The following VOPP1 variants were observed in gnomAD, a reference collection of about 807,000 sequenced individuals.
The protein encoded by VOPP1 is WW domain binding protein VOPP1.
Under a neutral mutation model 23.5 loss-of-function variants are expected in VOPP1, and 8 were observed. That is an observed-to-expected ratio of 0.34 (90% CI 0.20 to 0.61). The LOEUF (loss-of-function observed/expected upper bound fraction) is 0.61, where lower values mean the gene tolerates loss of function less well. Among genes scored for constraint, VOPP1 ranks in the 20% least tolerant of loss-of-function variants. The probability of loss-of-function intolerance (pLI) is 0.78; values close to 1 mark genes in which losing one functional copy is unlikely to be tolerated. For synonymous variants in VOPP1, 83 were observed against 97.3 expected, an observed-to-expected ratio of 0.85 and a Z score of 0.86; for missense variants, 174 against 238.1, an observed-to-expected ratio of 0.73 and a Z score of 1.77.
At chr7:55,517,539 G>A (rs149631128) in intron 2 of VOPP1, among the ~76,000 whole-genome samples, 1,714 of 152,246 alleles carry the variant, frequency 0.011, 11 homozygotes, top group Middle Eastern at 0.02. Flanking sequence ...CATCCCCACC[G>A]CCTGAGGCCC....
intron 2 of VOPP1, among the ~76,000 whole-genome samples, chr7:55,516,933 T>TATATATATATATATATATA (rs1491552728): frequency 5.6e-5 from 2 of 36,036 alleles, no homozygotes; most frequent in East Asian, 8.1e-4. Context: ...TATATATATA[T>TATATATATATATATATATA]TTTTTTTTTT....
intron 4 of VOPP1, among the ~76,000 whole-genome samples, chr7:55,453,900 A>G (rs986986986): frequency 2.6e-5 from 4 of 152,218 alleles, no homozygotes; most frequent in African/African-American, 4.8e-5. Context: ...TACAAAATAT[A>G]GTAGTTTTTG....
chr7:55,466,950 A>G (rs966561243), downstream of VOPP1, among the ~76,000 whole-genome samples: 1 of 152,040 alleles, frequency 6.6e-6, no homozygotes, highest in Admixed American at 6.6e-5. Context: ...GTAGAAGACA[A>G]TTTTTCCACG....
intron 1 of VOPP1, among the ~76,000 whole-genome samples, chr7:55,546,252 G>C (rs1238046229): frequency 1.3e-5 from 2 of 152,200 alleles, no homozygotes; most frequent in Non-Finnish European, 2.9e-5. Flanking sequence ...AGACAGTCGA[G>C]GGAGATGTAG....
At chr7:55,458,090 A>G (rs1791412557) in intron 4 of VOPP1, among the ~76,000 whole-genome samples, 1 of 152,016 alleles carries the variant, frequency 6.6e-6, no homozygotes, top group South Asian at 2.1e-4. Flanking sequence ...TAATCATTTT[A>G]ATTTTTGTGT....
intron 1 of VOPP1, among the ~76,000 whole-genome samples, chr7:55,567,627 G>A (rs10239004): frequency 0.022 from 3,422 of 152,262 alleles, 146 homozygotes; most frequent in African/African-American, 0.078. Context: ...CCAGGTCTGG[G>A]CCCAACGCCC....
chr7:55,538,815 TAA>T (rs756997390), intron 1 of VOPP1: 76 of 132,276 alleles, frequency 5.7e-4, no homozygotes, highest in Non-Finnish European at 9.0e-4. Flanking sequence ...CAACATTTCT[TAA>T]AAAAAAAAAA....
chr7:55,476,432 G>C (rs1451068561), intron 4 of VOPP1, among the ~76,000 whole-genome samples: 3 of 145,344 alleles, frequency 2.1e-5, no homozygotes, highest in Admixed American at 1.5e-4. Context: ...GGCGTGTCGG[G>C]GGGGTGGGCG....
At chr7:55,450,382 T>C (rs937050878) in intron 4 of VOPP1, among the ~76,000 whole-genome samples, 1 of 152,176 alleles carries the variant, frequency 6.6e-6, no homozygotes, top group African/African-American at 2.4e-5. Flanking sequence ...CATTTCCCTA[T>C]GCACTCTGGT....
intron 2 of VOPP1, among the ~76,000 whole-genome samples, chr7:55,513,683 A>G (rs1795226859): frequency 6.6e-6 from 1 of 152,140 alleles, no homozygotes; most frequent in Admixed American, 6.5e-5. Context: ...CAAGTCAGTA[A>G]AACTAGATGA....
At position 55,438,206 on chromosome 7, in the gene VOPP1, T is replaced by G. The variant is rs116615988; in HGVS notation, n.418-2032A>C. ...CACTGCGCCTGGCCCTTCTTTGTATTTCTTGGTTTTGGTGTCTTATCTCTC... is the reference window on the plus strand; with the variant it reads ...CACTGCGCCTGGCCCTTCTTTGTATGTCTTGGTTTTGGTGTCTTATCTCTC... On this transcript the variant is annotated intron_variant and non_coding_transcript_variant, in intron 4 of 4. Coordinates refer to the VOPP1 transcript ENST00000462326. Among the ~76,000 whole-genome samples the G allele has an allele frequency of 8.7e-3, 1,317 of 152,188 alleles. 20 individuals are homozygous for G. The highest frequency in any genetic ancestry group is 0.03 in the African/African-American group (1,263 of 41,524).
intron 1 of VOPP1, among the ~76,000 whole-genome samples, chr7:55,548,028 T>TA (rs1797442883): frequency 6.6e-6 from 1 of 152,220 alleles, no homozygotes; most frequent in Admixed American, 6.5e-5. Context: ...GACAGCCACC[T>TA]AAGACCGTGA....
chr7:55,504,230 G>A (rs942572335), intron 2 of VOPP1, among the ~76,000 whole-genome samples: 3 of 152,138 alleles, frequency 2.0e-5, no homozygotes, highest in Non-Finnish European at 4.4e-5. Flanking sequence ...AGCTAACCCT[G>A]CTTTTTACAC....
chr7:55,517,481 A>T (rs1457982546), intron 2 of VOPP1, among the ~76,000 whole-genome samples: 2 of 152,094 alleles, frequency 1.3e-5, no homozygotes, highest in Non-Finnish European at 1.5e-5. Context: ...ATGTGTCCAG[A>T]GGCCAGGCCG....
intron 2 of VOPP1, 77 bp downstream of exon 2, chr7:55,520,995 C>G: frequency 6.7e-7 from 1 of 1,491,152 alleles, no homozygotes; most frequent in Admixed American, 2.0e-5. Flanking sequence ...CCATCCCACA[C>G]CCAGAACTTT....
At chr7:55,525,397 G>C (rs189045317) in intron 1 of VOPP1, among the ~76,000 whole-genome samples, 3 of 151,924 alleles carry the variant, frequency 2.0e-5, no homozygotes, top group Admixed American at 6.5e-5. Flanking sequence ...ACTGAGTCAG[G>C]AGAATGGCGT....
At chr7:55,435,391 T>A (rs1253569005), downstream of VOPP1, among the ~76,000 whole-genome samples, 1 of 152,072 alleles carries the variant, frequency 6.6e-6, no homozygotes, top group African/African-American at 2.4e-5. Flanking sequence ...CAGGATTGGA[T>A]CAGGAGGTGC....
chr7:55,542,941 A>G (rs113363712), intron 1 of VOPP1, among the ~76,000 whole-genome samples: 2,745 of 152,006 alleles, frequency 0.018, 46 homozygotes, highest in Non-Finnish European at 0.027. Flanking sequence ...TTTGGAGACG[A>G]GTCTCGCTCT....
intron 2 of VOPP1, among the ~76,000 whole-genome samples, chr7:55,506,707 T>C (rs1273667091): frequency 1.3e-5 from 2 of 151,702 alleles, no homozygotes; most frequent in Non-Finnish European, 2.9e-5. Context: ...GGTGCGATCT[T>C]GGTTCACTGC....
Sources: gnomAD v4.1 joint callset for allele counts (sites outside exome capture counted in the v4.1 genomes callset) on GRCh38, gnomAD v4.1.1 for gene constraint, MANE v1.5 for transcripts, NCBI Gene and HGNC (gene_info 2026-07-23, HGNC 2026-07-21) for gene names.